ZNF443: variants seen among roughly 807,000 people sequenced by gnomAD.
ZNF443 encodes Kruppel-type zinc finger (C2H2).
In ZNF443, 3 loss-of-function variants were observed where a neutral mutation model predicts 12.0. That is an observed-to-expected ratio of 0.25 (90% CI 0.11 to 0.64). The LOEUF is 0.64. Ranked by LOEUF, ZNF443 falls within the 30% of genes least tolerant of loss-of-function variation. The pLI is 0.84. For synonymous variants in ZNF443, 225 were observed against 265.9 expected (o/e 0.85, Z 1.50); for missense variants, 770 against 808.8 (o/e 0.95, Z 0.58).
intron 1 of ZNF443, among the ~76,000 whole-genome samples, chr19:12,435,037 C>T (rs1199390543): frequency 2.8e-5 from 4 of 144,712 alleles, no homozygotes; most frequent in Middle Eastern, 3.8e-3. Context: ...GGAGTGCAGA[C>T]GCACAACCTT....
At position 12,431,263 on chromosome 19, in the gene ZNF443, G is replaced by T; in HGVS notation, c.909C>A (p.His303Gln). The change falls in exon 4 of 4, where the codon CAC becomes CAA. Residue 303 changes from histidine (H) to glutamine (Q), a missense_variant. By Grantham distance (24) the His-to-Gln change is conservative. Coordinates refer to ENST00000301547, the MANE Select transcript of ZNF443 (RefSeq NM_005815.5). ...SSSCLIHERT[H>Q]TGEKPYTCKQ... The stretch of plus-strand genomic sequence containing the variant: ...TACATGTATAGGGTTTCTCTCCAGT[G>T]TGAGTTCTTTCATGTATTAGACAAG... 6.2e-7 allele frequency: 1 copy of T among 1,614,144 alleles called. No individual in the cohort carries two copies. Among genetic ancestry groups the T allele is most frequent in the Non-Finnish European group, 8.5e-7 (1 of 1,179,998 alleles).
chr19:12,431,265 G>A lies in ZNF443; in HGVS notation c.907C>T (p.His303Tyr). 1.2e-6 allele frequency: 2 copies of A among 1,614,152 alleles called. No homozygotes were observed. Among genetic ancestry groups the A allele is most frequent in the Non-Finnish European group, 1.7e-6 (2 of 1,179,992 alleles). The change falls in exon 4 of 4, where the codon CAC (histidine) becomes TAC (tyrosine). Residue 303 changes from histidine (H) to tyrosine (Y), a missense_variant. Around this residue, in one of 3 missense-constraint regions of ZNF443, gnomAD observed 736 missense variants for 689.4 expected, o/e 1.07. Transcript: ENST00000301547. ...SSSCLIHERT[H>Y]TGEKPYTCKQ... The stretch of plus-strand genomic sequence containing the variant: ...CATGTATAGGGTTTCTCTCCAGTGT[G>A]AGTTCTTTCATGTATTAGACAAGAA...
intron 1 of ZNF443, among the ~76,000 whole-genome samples, chr19:12,439,094 A>G (rs1970341219): frequency 6.6e-6 from 1 of 151,872 alleles, no homozygotes; most frequent in Non-Finnish European, 1.5e-5. Flanking sequence ...GGAGACACTC[A>G]CCACCCTCCT....
At chr19:12,433,385 C>G (rs1218449204) in intron 1 of ZNF443, among the ~76,000 whole-genome samples, 188 bp from the exon 2 acceptor site, 1 of 152,144 alleles carries the variant, frequency 6.6e-6, no homozygotes, top group Non-Finnish European at 1.5e-5. Flanking sequence ...TACAGTTAAA[C>G]GTTTGGTAAA....
At chr19:12,435,465 T>G (rs530892537) in intron 1 of ZNF443, among the ~76,000 whole-genome samples, 6 of 152,272 alleles carry the variant, frequency 3.9e-5, no homozygotes, top group Non-Finnish European at 7.4e-5. Context: ...CCTCCAGATA[T>G]CAGGGTACTC....
At position 12,430,392 on chromosome 19, in the gene ZNF443, C is replaced by T. The variant is rs773855253; in HGVS notation, c.1780G>A (p.Gly594Ser). The change falls in exon 4 of 4, where the codon GGT (glycine) becomes AGT (serine). Residue 594 changes from glycine (G) to serine (S), a missense_variant. Physicochemically the swap from Gly to Ser is moderately conservative, Grantham distance 56. Coordinates refer to ENST00000301547, the MANE Select transcript of ZNF443 (RefSeq NM_005815.5). Reference sequence around the variant, plus strand: ...AAACGGGAATGAGTGAAGGCTTTACCACATTGTGGACATTCATAGGATTTC... The same window carrying T: ...AAACGGGAATGAGTGAAGGCTTTACTACATTGTGGACATTCATAGGATTTC... ...REKSYECPQC[G>S]KAFTHSRFLQ... The T allele has an allele frequency of 1.9e-6, 3 of 1,572,442 alleles. No homozygotes were observed. In the East Asian group the frequency reaches 7.1e-5, roughly 37 times the overall value.
chr19:12,438,625 G>C (rs147872462), intron 1 of ZNF443, among the ~76,000 whole-genome samples: 20 of 152,160 alleles, frequency 1.3e-4, no homozygotes, highest in African/African-American at 4.8e-4. Flanking sequence ...ATGGAAGAGG[G>C]TTTTTCCCTT....
At chr19:12,435,137 T>G (rs760522231) in intron 1 of ZNF443, among the ~76,000 whole-genome samples, 1 of 151,996 alleles carries the variant, frequency 6.6e-6, no homozygotes, top group Non-Finnish European at 1.5e-5. Flanking sequence ...TCAAACACAT[T>G]TGGCTAATTT....
At position 12,430,878 on chromosome 19, in the gene ZNF443, A is replaced by G; in HGVS notation, c.1294T>C (p.Tyr432His). 1 of 1,613,918 alleles carries G rather than the reference A, an allele frequency of 6.2e-7. No individual in the cohort carries two copies. Among genetic ancestry groups the G allele is most frequent in the Non-Finnish European group, 8.5e-7 (1 of 1,179,934 alleles). Residue 432 changes from tyrosine to histidine, a missense_variant, in exon 4 of 4, where the codon TAT becomes CAT. Around this residue, in one of 3 missense-constraint regions of ZNF443, gnomAD observed 736 missense variants for 689.4 expected, o/e 1.07. Coordinates refer to ENST00000301547, the MANE Select transcript of ZNF443 (RefSeq NM_005815.5). Reference sequence around the variant, plus strand: ...TCATGTCTTTGAAATACACTGGGATAAACAAAGGCTTTCCCACATACCTTG... The same window carrying G: ...TCATGTCTTTGAAATACACTGGGATGAACAAAGGCTTTCCCACATACCTTG... Reference protein sequence around the residue: ...KCKVCGKAFVYPSVFQRHERT... With the variant: ...KCKVCGKAFVHPSVFQRHERT...
Position 12,431,034 on chromosome 19 carries a change from G to C in ZNF443, c.1138C>G (p.Leu380Val), listed in dbSNP as rs1970246984. Residue 380 changes from leucine to valine, a missense_variant, in exon 4 of 4, where the codon CTG becomes GTG. This residue lies in a region of ZNF443 where 736 missense variants were observed against 689.4 expected (regional missense o/e 1.07). Transcript: ENST00000301547. ...GTGTGAGTTCTTTCATGACTTTGCAGTGAACTAGGACAATCAAAGCCTTTC... is the reference window on the plus strand; with the variant it reads ...GTGTGAGTTCTTTCATGACTTTGCACTGAACTAGGACAATCAAAGCCTTTC... ...CGKGFDCPSS[L>V]QSHERTHTGE... The C allele has an allele frequency of 4.3e-6, 7 of 1,613,016 alleles. No individual in the cohort carries two copies. In the East Asian group the frequency reaches 1.6e-4, roughly 36 times the overall value.
intron 1 of ZNF443, among the ~76,000 whole-genome samples, chr19:12,436,215 T>G (rs1970306624): frequency 7.4e-6 from 1 of 134,900 alleles, no homozygotes; most frequent in African/African-American, 3.0e-5. Context: ...GCGTGGTGGC[T>G]CACACCTATA....
rs564683036 is a variant in ZNF443, at chr19:12,434,149, G to C, written c.4-952C>G. 3.8e-4 allele frequency among the ~76,000 whole-genome samples: 58 copies of C among 152,204 alleles called. No individual in the cohort carries two copies. The East Asian group carries it at 8.3e-3, about 22-fold the overall frequency. On this transcript the variant is annotated intron_variant, in intron 1 of 3. Coordinates refer to ENST00000301547, the MANE Select transcript of ZNF443 (RefSeq NM_005815.5). ...AATACTGTTTCTTATAAATTACCGA[G>C]GTTCAGTAATTCTGTTATGAATTAC...
intron 1 of ZNF443, among the ~76,000 whole-genome samples, chr19:12,434,133 T>TCTTATAA (rs1175892035): frequency 2.0e-5 from 3 of 152,304 alleles, no homozygotes; most frequent in Non-Finnish European, 4.4e-5. Flanking sequence ...AAATACTGTT[T>TCTTATAA]CTTATAAATT....
Position 12,440,904 on chromosome 19 carries a change from A to G in ZNF443, c.3+8T>C, listed in dbSNP as rs1568239979. Reference sequence around the variant, plus strand: ...CCCCGCCTCGGGACGCCGGCCCAGCACACGCACCATTTCCCGACTTCCGCG... The same window carrying G: ...CCCCGCCTCGGGACGCCGGCCCAGCGCACGCACCATTTCCCGACTTCCGCG... On this transcript the variant is annotated splice_region_variant and intron_variant, in intron 1 of 3. Coordinates refer to ENST00000301547, the MANE Select transcript of ZNF443 (RefSeq NM_005815.5). 1 of 1,614,008 alleles carries G rather than the reference A, an allele frequency of 6.2e-7. No individual in the cohort carries two copies. Among genetic ancestry groups the G allele is most frequent in the East Asian group, 2.2e-5 (1 of 44,882 alleles).
chr19:12,435,517 C>T (rs1970300207), intron 1 of ZNF443, among the ~76,000 whole-genome samples: 1 of 152,170 alleles, frequency 6.6e-6, no homozygotes, highest in Non-Finnish European at 1.5e-5. Flanking sequence ...AAGCCCCATG[C>T]ATGCACAGTA....
Position 12,429,875 on chromosome 19 carries a change from T to G in ZNF443, c.*281A>C, listed in dbSNP as rs1479378409. The G allele has an allele frequency of 7.4e-6, 4 of 538,854 alleles. No individual in the cohort carries two copies. In the South Asian group the frequency reaches 1.1e-4, roughly 14 times the overall value. 33.4% of individuals were successfully genotyped at this position (538,854 alleles called of 1,614,324 possible). ...TAGCTTTTATAATGCATGAGGTATT[T>G]TAAGTAATCTAGACATAATTGAGAC... On this transcript the variant is annotated 3_prime_UTR_variant, in exon 4 of 4. Transcript: ENST00000301547.
chr19:12,434,708 T>C (rs938846264), intron 1 of ZNF443, among the ~76,000 whole-genome samples: 7 of 151,720 alleles, frequency 4.6e-5, no homozygotes, highest in Non-Finnish European at 2.9e-5. Flanking sequence ...GACAAATATA[T>C]ACATATACAT....
rs114826123 is a variant in ZNF443 at position 12,432,350 on chromosome 19, T to C, written c.191+27A>G. The C allele has an allele frequency of 3.5e-3, 5,416 of 1,541,552 alleles. 174 individuals carry two copies. In the African/African-American group the frequency reaches 0.067, roughly 19 times the overall value. ...CATTCTCAGAACGGCTCCAGGGACA[T>C]ATCTTTCTCTTGTGAGTGTAAATTA... On this transcript the variant is annotated intron_variant, in intron 3 of 3. Transcript: ENST00000301547.
At chr19:12,434,389 G>C (rs1970287787) in intron 1 of ZNF443, among the ~76,000 whole-genome samples, 1 of 152,130 alleles carries the variant, frequency 6.6e-6, no homozygotes, top group Non-Finnish European at 1.5e-5. Context: ...ACTGATAAAA[G>C]ATATTTCACC....
Sources: allele counts gnomAD v4.1 joint callset (sites outside exome capture counted in the v4.1 genomes callset), GRCh38; gene constraint gnomAD v4.1.1; regional missense constraint gnomAD v4.1.1; transcripts MANE v1.5; gene names NCBI Gene and HGNC (gene_info 2026-07-23, HGNC 2026-07-21).